Variants in TMEM154 observed in about 807,000 individuals in gnomAD.
TMEM154 encodes the protein transmembrane protein 154.
In TMEM154, 27 loss-of-function variants were observed where a neutral mutation model predicts 24.5. The observed-to-expected ratio is 1.10, with a 90% CI of 0.81 to 1.52. The LOEUF (loss-of-function observed/expected upper bound fraction) is 1.52, where lower values mean the gene tolerates loss of function less well. TMEM154 is among the 40% of genes most tolerant of loss of function. The pLI, the probability that TMEM154 is intolerant of heterozygous loss-of-function variation, is 0.00. For missense variants in TMEM154, 228 were observed against 213.4 expected (o/e 1.07, Z -0.43); for synonymous variants, 67 against 76.8 (o/e 0.87, Z 0.67).
intron 1 of TMEM154, among the ~76,000 whole-genome samples, chr4:152,679,536 G>GTTT (rs11387677): frequency 1.3e-5 from 2 of 150,476 alleles, no homozygotes; most frequent in African/African-American, 2.4e-5. Context: ...TGAAGCTTTT[G>GTTT]TTTTTTTTTA....
Position 152,621,408 on chromosome 4 carries a change from T to C in TMEM154, c.*7138A>G, listed in dbSNP as rs1751841736. ...ATTCCTAACTGATCCACATGATGAA[T>C]GCTGGTCAAGATGCATCCTTTCCCT... On this transcript the variant is annotated 3_prime_UTR_variant, in exon 7 of 7. Coordinates refer to ENST00000304385, the MANE Select transcript of TMEM154 (RefSeq NM_152680.3). The C allele has an allele frequency of 6.6e-6, 1 of 152,242 alleles. No homozygotes were observed. Among genetic ancestry groups the C allele is most frequent in the Admixed American group, 6.5e-5 (1 of 15,288 alleles). 9.4% of individuals were successfully genotyped at this position (152,242 alleles called of 1,614,324 possible).
chr4:152,673,081 C>T (rs998774090), intron 1 of TMEM154, among the ~76,000 whole-genome samples: 3 of 152,006 alleles, frequency 2.0e-5, no homozygotes, highest in South Asian at 4.2e-4. Flanking sequence ...CTCATTACAC[C>T]CCTCCCTGAT....
intron 3 of TMEM154, 80 bp from the exon 4 acceptor site, chr4:152,644,522 C>T: frequency 7.1e-7 from 1 of 1,410,912 alleles, no homozygotes; most frequent in South Asian, 1.2e-5. Flanking sequence ...GCTGAAGTCT[C>T]CTTTACAAAG....
At chr4:152,651,501 C>T (rs1728382432) in intron 3 of TMEM154, among the ~76,000 whole-genome samples, 2 of 152,214 alleles carry the variant, frequency 1.3e-5, no homozygotes, top group African/African-American at 4.8e-5. Context: ...CCTTAAACCT[C>T]ATGAAACACC....
At position 152,649,964 on chromosome 4, in the gene TMEM154, G is replaced by T. The variant is rs144655006; in HGVS notation, c.364+2574C>A. On this transcript the variant is annotated intron_variant, in intron 3 of 6. Transcript: ENST00000304385. The stretch of plus-strand genomic sequence containing the variant: ...GCAACATTGTGTCTACAGAGACAAT[G>T]TATATACCTTAATTTAAAATACTTC... Among the ~76,000 whole-genome samples the T allele has an allele frequency of 8.6e-4, 131 of 152,322 alleles. 3 individuals carry two copies. In the East Asian group the frequency reaches 0.018, roughly 21 times the overall value.
chr4:152,676,178 C>A (rs1191082600), intron 1 of TMEM154, among the ~76,000 whole-genome samples: 3 of 152,220 alleles, frequency 2.0e-5, no homozygotes, highest in Non-Finnish European at 4.4e-5. Context: ...TCCTCCTCAG[C>A]AGTCTGAGTT....
chr4:152,674,600 G>A (rs112348795), intron 1 of TMEM154, among the ~76,000 whole-genome samples: 401 of 152,232 alleles, frequency 2.6e-3, no homozygotes, highest in Non-Finnish European at 4.4e-3. Flanking sequence ...GCTGACCTCT[G>A]ATGCTTGCCA....
intron 1 of TMEM154, among the ~76,000 whole-genome samples, chr4:152,661,323 TC>T (rs1728604027): frequency 1.8e-4 from 26 of 144,994 alleles, no homozygotes; most frequent in Admixed American, 9.6e-4. Context: ...TCTCTCTCTC[TC>T]TCTCTCTCTC....
intron 1 of TMEM154, among the ~76,000 whole-genome samples, chr4:152,665,876 C>T (rs1728710524): frequency 6.7e-6 from 1 of 150,336 alleles, no homozygotes; most frequent in South Asian, 2.1e-4. Context: ...CAGCCTTGCA[C>T]TCCTGGGCTC....
chr4:152,668,736 G>A (rs145756150), intron 1 of TMEM154: 11 of 152,594 alleles, frequency 7.2e-5, no homozygotes, highest in Admixed American at 3.9e-4. Context: ...CAAGAGTGAA[G>A]GAGGAACAAC....
chr4:152,661,226 G>A (rs1728593729), intron 1 of TMEM154, among the ~76,000 whole-genome samples: 3 of 140,784 alleles, frequency 2.1e-5, no homozygotes. Flanking sequence ...AGCATCATTT[G>A]CTCTCTCAGA....
At chr4:152,661,250 A>T (rs1486297578) in intron 1 of TMEM154, among the ~76,000 whole-genome samples, 1 of 143,624 alleles carries the variant, frequency 7.0e-6, no homozygotes, top group Non-Finnish European at 1.5e-5. Context: ...TCTAGTGGCT[A>T]TTTAAATAAA....
intron 1 of TMEM154, among the ~76,000 whole-genome samples, chr4:152,665,272 C>T (rs1168865896): frequency 6.6e-6 from 1 of 152,172 alleles, no homozygotes; most frequent in South Asian, 2.1e-4. Flanking sequence ...TTACAGTTCT[C>T]CTTGTGGCTC....
chr4:152,626,371 A>G lies in TMEM154; in HGVS notation c.*2175T>C, dbSNP rs559379532. The G allele has an allele frequency of 2.0e-5, 3 of 152,548 alleles. No individual in the cohort carries two copies. The highest frequency in any genetic ancestry group is 4.4e-5 in the Non-Finnish European group (3 of 68,048). The allele number at this position is 152,548 out of a possible 1,614,324, so 9.4% of individuals were successfully genotyped here. The stretch of plus-strand genomic sequence containing the variant: ...GTTTGGGTTTAAAAACAATTCTTGA[A>G]ACTGTCATAAACATATGATATCTAT... On this transcript the variant is annotated 3_prime_UTR_variant, in exon 7 of 7. Coordinates refer to ENST00000304385, the MANE Select transcript of TMEM154 (RefSeq NM_152680.3).
intron 6 of TMEM154, among the ~76,000 whole-genome samples, chr4:152,640,528 C>T (rs1203393080): frequency 6.6e-6 from 1 of 152,156 alleles, no homozygotes; most frequent in Non-Finnish European, 1.5e-5. Context: ...CATTTATTTT[C>T]TCACTCTAGT....
At chr4:152,661,596 A>G (rs948358821) in intron 1 of TMEM154, among the ~76,000 whole-genome samples, 3 of 152,102 alleles carry the variant, frequency 2.0e-5, no homozygotes, top group Non-Finnish European at 4.4e-5. Flanking sequence ...GGTGACAAAT[A>G]ACAGATGAGG....
At chr4:152,647,070 AGG>A in intron 3 of TMEM154, 3 of 935,844 alleles carry the variant, frequency 3.2e-6, no homozygotes, top group South Asian at 1.4e-5. Flanking sequence ...ACAAGCCCAA[AGG>A]AAAAAGTAAT....
intron 1 of TMEM154, among the ~76,000 whole-genome samples, chr4:152,657,305 T>C (rs909961610): frequency 1.3e-5 from 2 of 151,484 alleles, no homozygotes; most frequent in African/African-American, 4.9e-5. Flanking sequence ...CTTGAGCTCA[T>C]GAGTTCAAGG....
At position 152,653,835 on chromosome 4, in the gene TMEM154, T is replaced by TCGAGA. The variant is rs529624328; in HGVS notation, c.65-913_65-909dup. On this transcript the variant is annotated intron_variant, in intron 1 of 6. Transcript: ENST00000304385. The stretch of plus-strand genomic sequence containing the variant: ...GGGCAGATCACCTGAGGTCAGGAGT[T>TCGAGA]CGAGACCAGCCTGACCAACATGGTG... Among the ~76,000 whole-genome samples, 177 of 150,618 alleles carry TCGAGA rather than the reference T, an allele frequency of 1.2e-3. 3 individuals are homozygous for TCGAGA. The East Asian group carries it at 0.031, about 26-fold the overall frequency.
Sources: allele counts gnomAD v4.1 joint callset (sites outside exome capture counted in the v4.1 genomes callset), GRCh38; gene constraint gnomAD v4.1.1; transcripts MANE v1.5; gene names NCBI Gene and HGNC (gene_info 2026-07-23, HGNC 2026-07-21).